The following CDH4 variants were observed in gnomAD, a reference collection of about 807,000 sequenced individuals.
CDH4 encodes the protein cadherin 4.
CDH4 carries 33 observed loss-of-function variants against 86.0 expected under a neutral mutation model. The ratio of observed to expected loss-of-function variants is 0.38; its 90% CI spans 0.29 to 0.51. The LOEUF (loss-of-function observed/expected upper bound fraction) is 0.51. CDH4 is among the 20% of genes least tolerant of loss of function. CDH4 has a pLI of 0.86. For missense variants in CDH4, 1,114 were observed against 1,307.4 expected, an observed-to-expected ratio of 0.85 and a Z score of 2.28; for synonymous variants, 555 against 549.4, an observed-to-expected ratio of 1.01 and a Z score of -0.14.
intron 4 of CDH4, among the ~76,000 whole-genome samples, chr20:61,782,735 C>T (rs1041286112): frequency 7.2e-5 from 11 of 152,176 alleles, no homozygotes; most frequent in African/African-American, 2.7e-4. Context: ...TCTAGGTAAA[C>T]TGTGATGCTT....
chr20:61,868,029 A>G (rs1983625395), intron 6 of CDH4, among the ~76,000 whole-genome samples: 1 of 152,228 alleles, frequency 6.6e-6, no homozygotes, highest in African/African-American at 2.4e-5. Context: ...ATTATTCGTA[A>G]CCAAAAAGCA....
intron 2 of CDH4, among the ~76,000 whole-genome samples, chr20:61,537,842 G>A (rs2086009043): frequency 6.6e-6 from 1 of 152,314 alleles, no homozygotes; most frequent in Non-Finnish European, 1.5e-5. Flanking sequence ...GTCCCCTTGA[G>A]TGACAGAAAC....
In CDH4 at chr20:61,463,654, C is replaced by G. The variant is rs1048303814; in HGVS notation, c.169+208717C>G. Among the ~76,000 whole-genome samples, 7 of 152,266 alleles carry G rather than the reference C, an allele frequency of 4.6e-5. No individual in the cohort carries two copies. In the South Asian group the frequency reaches 1.5e-3, roughly 32 times the overall value. The stretch of plus-strand genomic sequence containing the variant: ...CGGAGGGTCTCATGTTGAATCCCAT[C>G]CTATGTAAGCCACAGCACCAGAGCT... On this transcript the variant is annotated intron_variant, in intron 2 of 15. Transcript: ENST00000614565.
In CDH4 at chr20:61,417,255, C is replaced by A. The variant is rs1201601975; in HGVS notation, c.169+162318C>A. On this transcript the variant is annotated intron_variant, in intron 2 of 15. Coordinates refer to ENST00000614565, the MANE Select transcript of CDH4 (RefSeq NM_001794.5). The surrounding 1 kb of genome is among the most constrained non-coding windows in gnomAD (Gnocchi z 4.0). ...TGCTCTCTCTTCCCCCTCCCTCTCA[C>A]TCTTTTCTCCCACTCTCCCCCTCCT... 2.0e-5 allele frequency among the ~76,000 whole-genome samples: 3 copies of A among 151,898 alleles called. No individual in the cohort carries two copies. Among genetic ancestry groups the A allele is most frequent in the Non-Finnish European group, 2.9e-5 (2 of 67,990 alleles).
intron 2 of CDH4, among the ~76,000 whole-genome samples, chr20:61,660,376 C>T (rs1434950304): frequency 2.0e-5 from 3 of 152,212 alleles, no homozygotes; most frequent in Non-Finnish European, 4.4e-5. Context: ...ATGAATCAGA[C>T]ATATTAGACA....
intron 8 of CDH4, among the ~76,000 whole-genome samples, chr20:61,908,548 G>T (rs2122920530): frequency 6.6e-6 from 1 of 152,326 alleles, no homozygotes; most frequent in Admixed American, 6.5e-5. Context: ...GCCTCTGTGT[G>T]CTTCTCTGTC....
At chr20:61,385,971 G>A (rs994825113) in intron 2 of CDH4, among the ~76,000 whole-genome samples, 2 of 152,168 alleles carry the variant, frequency 1.3e-5, no homozygotes, top group Non-Finnish European at 2.9e-5. Flanking sequence ...TGAGCTGCAG[G>A]AGGTCAGGAG....
intron 2 of CDH4, among the ~76,000 whole-genome samples, chr20:61,489,189 C>G (rs2085612373): frequency 6.6e-6 from 1 of 152,158 alleles, no homozygotes; most frequent in African/African-American, 2.4e-5. Flanking sequence ...GACAGCTCCA[C>G]CCTTTCCAAG....
At position 61,440,376 on chromosome 20, in the gene CDH4, A is replaced by G. The variant is rs535276854; in HGVS notation, c.169+185439A>G. Among the ~76,000 whole-genome samples the G allele has an allele frequency of 1.6e-4, 24 of 152,318 alleles. No individual in the cohort carries two copies. In the South Asian group the frequency reaches 4.8e-3, roughly 30 times the overall value. On this transcript the variant is annotated intron_variant, in intron 2 of 15. Coordinates refer to ENST00000614565, the MANE Select transcript of CDH4 (RefSeq NM_001794.5). ...GCTCTGAAAGGCAAATGTAAAGGGA[A>G]CACCCTGTTGAGCAGCCACAATGCT... is the stretch of plus-strand genomic sequence containing the variant.
At chr20:61,873,922 G>A (rs781111435) in intron 7 of CDH4, 22 bp downstream of exon 7, 108 of 1,609,118 alleles carry the variant, frequency 6.7e-5, no homozygotes, top group African/African-American at 1.9e-4. Context: ...TGGGGTCTGC[G>A]TGCAGGCGGG....
At chr20:61,565,243 CGGTGCTCTTGGTGATGGTGGTGGT>C (rs2086272924) in intron 2 of CDH4, among the ~76,000 whole-genome samples, 1 of 35,544 alleles carries the variant, frequency 2.8e-5, no homozygotes, top group Non-Finnish European at 5.3e-5. Context: ...GTGGTGGTGG[CGGTGCTCTTGGTGATGGTGGTGGT>C]GGTCCTCTTG....
chr20:61,361,807 G>A (rs1014924255), intron 2 of CDH4, among the ~76,000 whole-genome samples: 12 of 152,196 alleles, frequency 7.9e-5, no homozygotes, highest in Admixed American at 2.6e-4. Context: ...TGCGGAACCC[G>A]GGGTGCCTGC....
intron 2 of CDH4, among the ~76,000 whole-genome samples, chr20:61,312,456 G>A (rs1457126032): frequency 6.6e-6 from 1 of 152,126 alleles, no homozygotes; most frequent in Non-Finnish European, 1.5e-5. Flanking sequence ...TGGTGATCAT[G>A]GGCCCTGCCT....
chr20:61,767,630 C>T (rs2145978748), intron 3 of CDH4, among the ~76,000 whole-genome samples: 1 of 152,306 alleles, frequency 6.6e-6, no homozygotes, highest in African/African-American at 2.4e-5. Context: ...TGGGCCGCTC[C>T]TGCCCACTGT....
At chr20:61,302,996 T>C (rs2084394048) in intron 2 of CDH4, among the ~76,000 whole-genome samples, 1 of 152,132 alleles carries the variant, frequency 6.6e-6, no homozygotes, top group Non-Finnish European at 1.5e-5. Context: ...AAGGATTCTC[T>C]CCTGGGGCCT....
intron 6 of CDH4, among the ~76,000 whole-genome samples, chr20:61,854,828 T>C (rs1449190668): frequency 3.9e-3 from 364 of 92,886 alleles, no homozygotes; most frequent in Admixed American, 5.5e-3. Context: ...GCGCCCTTGG[T>C]CCACCCCCAG....
chr20:61,732,863 G>A (rs1412213353), intron 2 of CDH4, among the ~76,000 whole-genome samples: 7 of 152,238 alleles, frequency 4.6e-5, no homozygotes, highest in Admixed American at 4.6e-4. Flanking sequence ...AGGCTTTGAT[G>A]TCTCAGGTAG....
At chr20:61,777,563 C>T (rs2088855551) in intron 4 of CDH4, among the ~76,000 whole-genome samples, 2 of 152,272 alleles carry the variant, frequency 1.3e-5, no homozygotes, top group Non-Finnish European at 2.9e-5. Flanking sequence ...CAAATGGACT[C>T]CAAGTCATTA....
At chr20:61,301,953 G>A (rs920960097) in intron 2 of CDH4, among the ~76,000 whole-genome samples, 10 of 152,190 alleles carry the variant, frequency 6.6e-5, no homozygotes, top group African/African-American at 1.4e-4. Context: ...GCGCTTTTAC[G>A]CCATACTTCC....
Sources: allele counts gnomAD v4.1 joint callset (sites outside exome capture counted in the v4.1 genomes callset), GRCh38; gene constraint gnomAD v4.1.1; non-coding constraint Gnocchi (gnomAD v3.1); transcripts MANE v1.5; gene names NCBI Gene and HGNC (gene_info 2026-07-23, HGNC 2026-07-21).